SOX6: variants seen among roughly 807,000 people sequenced by gnomAD.
SOX6 encodes transcription factor SOX-6.
Under a neutral mutation model 97.8 loss-of-function variants are expected in SOX6, and 11 were observed. That is an observed-to-expected ratio of 0.11 (90% CI 0.07 to 0.19). SOX6 has a LOEUF of 0.19. Ranked by LOEUF, SOX6 falls within the 10% of genes least tolerant of loss-of-function variation. SOX6 has a pLI of 1.00. For synonymous variants in SOX6, 360 were observed against 371.4 expected, an observed-to-expected ratio of 0.97 and a Z score of 0.35; for missense variants, 810 against 1,039.5, an observed-to-expected ratio of 0.78 and a Z score of 3.04.
Position 16,111,839 on chromosome 11 carries a change from C to T in SOX6, c.862G>A (p.Gly288Arg), listed in dbSNP as rs769930973. The part of the protein sequence containing the change: ...TLAAAAAAQQ[G>R]FLFPPGITYK... Reference sequence around the variant, plus strand: ...GTTATTCCAGGGGGGAAGAGGAATCCCTGTTGGGCAGCAGCAGCTGCTGCC... The same window carrying T: ...GTTATTCCAGGGGGGAAGAGGAATCTCTGTTGGGCAGCAGCAGCTGCTGCC... The change falls in exon 7 of 16, where the codon GGA becomes AGA. Residue 288 changes from glycine to arginine, a missense_variant. Around this residue, in one of 9 missense-constraint regions of SOX6, gnomAD observed 244 missense variants for 261.0 expected, o/e 0.93. Coordinates refer to ENST00000683767, the MANE Select transcript of SOX6 (RefSeq NM_001367873.1). 5.6e-6 allele frequency: 9 copies of T among 1,612,864 alleles called. No individual in the cohort carries two copies. In the South Asian group the frequency reaches 9.9e-5, roughly 18 times the overall value.
At chr11:16,430,987 C>A (rs568218044) in intron 1 of SOX6, among the ~76,000 whole-genome samples, 2 of 152,294 alleles carry the variant, frequency 1.3e-5, no homozygotes, top group South Asian at 4.1e-4. Flanking sequence ...CATCACACAG[C>A]TATTGTGGCC....
intron 4 of SOX6, among the ~76,000 whole-genome samples, chr11:16,548,026 G>A (rs1263951290): frequency 6.6e-6 from 1 of 152,090 alleles, no homozygotes; most frequent in East Asian, 1.9e-4. Context: ...GCAGCCGCAT[G>A]GGGAAAAATT....
chr11:16,738,448 C>G lies in SOX6; in HGVS notation n.196G>C. The G allele has an allele frequency of 2.1e-5, 9 of 419,614 alleles. 1 individual carries two copies. In the South Asian group the frequency reaches 2.3e-4, roughly 11 times the overall value. 26.0% of individuals were successfully genotyped at this position (419,614 alleles called of 1,614,324 possible). On this transcript the variant is annotated non_coding_transcript_exon_variant, in exon 1 of 6. Transcript: ENST00000524520. Reference sequence around the variant, plus strand: ...ACCGCCATACACATCCGCGGGAACGCTTCCTCCACCAGCCGAAGGCGGGGC... The same window carrying G: ...ACCGCCATACACATCCGCGGGAACGGTTCCTCCACCAGCCGAAGGCGGGGC...
At chr11:16,131,078 C>T (rs367953864) in intron 6 of SOX6, among the ~76,000 whole-genome samples, 66 of 150,496 alleles carry the variant, frequency 4.4e-4, no homozygotes, top group African/African-American at 1.6e-3. Flanking sequence ...AGAACAAAAG[C>T]GTAAACCAGA....
intron 2 of SOX6, among the ~76,000 whole-genome samples, chr11:16,725,786 T>C (rs1848302423): frequency 6.6e-6 from 1 of 152,178 alleles, no homozygotes; most frequent in Admixed American, 6.5e-5. Context: ...ATTGAAATGT[T>C]AGGAAAATTA....
intron 1 of SOX6, among the ~76,000 whole-genome samples, chr11:16,397,068 A>G (rs1858381237): frequency 1.3e-5 from 2 of 151,416 alleles, no homozygotes; most frequent in Non-Finnish European, 3.0e-5. Flanking sequence ...TTATATTTTA[A>G]TACCTAAGAA....
chr11:16,537,682 C>T (rs7937139), intron 4 of SOX6, among the ~76,000 whole-genome samples: 37,259 of 152,048 alleles, frequency 0.25, 5,050 homozygotes, highest in East Asian at 0.48. Flanking sequence ...GATGGATACA[C>T]AAGCTTCAAT....
At chr11:16,034,170 G>A (rs1340124656) in intron 12 of SOX6, among the ~76,000 whole-genome samples, 2 of 152,112 alleles carry the variant, frequency 1.3e-5, no homozygotes, top group Admixed American at 6.5e-5. Flanking sequence ...AAAAAATTAT[G>A]TTGACTCTCA....
chr11:16,333,033 G>A (rs1856354482), intron 2 of SOX6, among the ~76,000 whole-genome samples: 1 of 152,154 alleles, frequency 6.6e-6, no homozygotes, highest in South Asian at 2.1e-4. Context: ...TCATGCAGGT[G>A]GTTTGACTGA....
chr11:16,080,310 T>TA (rs1848446811), intron 9 of SOX6, among the ~76,000 whole-genome samples: 1 of 150,836 alleles, frequency 6.6e-6, no homozygotes, highest in African/African-American at 2.4e-5. Flanking sequence ...AATGAGGTCT[T>TA]ACAAGTTTCT....
At chr11:16,382,932 A>AC (rs570635361) in intron 1 of SOX6, among the ~76,000 whole-genome samples, 64 of 152,006 alleles carry the variant, frequency 4.2e-4, no homozygotes, top group African/African-American at 1.3e-3. Context: ...AAACAAACAA[A>AC]AAAAAAACTA....
At chr11:16,448,305 T>C (rs1406689067) in intron 1 of SOX6, among the ~76,000 whole-genome samples, 2 of 152,230 alleles carry the variant, frequency 1.3e-5, no homozygotes, top group Non-Finnish European at 2.9e-5. Context: ...TTTGAGCTCA[T>C]GTGTTTCCTT....
At chr11:16,156,648 T>G (rs533208131) in intron 6 of SOX6, among the ~76,000 whole-genome samples, 1 of 152,080 alleles carries the variant, frequency 6.6e-6, no homozygotes, top group East Asian at 1.9e-4. Flanking sequence ...CACATACCAC[T>G]TCCCCTTGCT....
At chr11:16,505,105 C>T (rs779388664) in intron 4 of SOX6, among the ~76,000 whole-genome samples, 7 of 152,120 alleles carry the variant, frequency 4.6e-5, no homozygotes, top group Non-Finnish European at 8.8e-5. Flanking sequence ...GCAAAGGTTG[C>T]AACAGTTTGG....
chr11:16,158,503 T>C lies in SOX6; in HGVS notation c.777+25383A>G, dbSNP rs148358872. Among the ~76,000 whole-genome samples, 477 of 152,146 alleles carry C rather than the reference T, an allele frequency of 3.1e-3. 3 individuals carry two copies. Among genetic ancestry groups the C allele is most frequent in the African/African-American group, 9.6e-3 (397 of 41,552 alleles). Reference sequence around the variant, plus strand: ...AACTGTAATTTATATATAAAAATCATATGATAAATGTCCTGTTTCTTCATA... The same window carrying C: ...AACTGTAATTTATATATAAAAATCACATGATAAATGTCCTGTTTCTTCATA... On this transcript the variant is annotated intron_variant, in intron 6 of 15. Transcript: ENST00000683767.
chr11:15,996,217 G>T (rs1213423073), intron 13 of SOX6, among the ~76,000 whole-genome samples: 1 of 152,100 alleles, frequency 6.6e-6, no homozygotes, highest in Non-Finnish European at 1.5e-5. Context: ...AAAAGATGAG[G>T]GTATAAATAG....
Position 16,063,499 on chromosome 11 carries a change from TATATATATATATATATA to T in SOX6, c.1102-7615_1102-7599del, listed in dbSNP as rs1848010849. 4.4e-3 allele frequency among the ~76,000 whole-genome samples: 50 copies of T among 11,376 alleles called. 3 individuals carry two copies. The highest frequency in any genetic ancestry group is 5.9e-3 in the African/African-American group (49 of 8,244). The allele number at this position is 11,376 out of a possible 152,430, so 7.5% of individuals were successfully genotyped here. A position where few individuals can be genotyped will look rare whatever the true frequency, so the allele number is the denominator to read the frequency against. On this transcript the variant is annotated intron_variant, in intron 9 of 15. Transcript: ENST00000683767. ...TGTAACTATATTTACCATAATTTTA[TATATATATATATATATA>T]TATATATATATATATATATATATAT... is the stretch of plus-strand genomic sequence containing the variant.
At chr11:16,371,085 C>T (rs1461563246) in intron 1 of SOX6, among the ~76,000 whole-genome samples, 1 of 152,030 alleles carries the variant, frequency 6.6e-6, no homozygotes, top group Non-Finnish European at 1.5e-5. Context: ...CTCACAATGA[C>T]CTACACATTC....
chr11:16,103,691 G>A (rs997892267), intron 7 of SOX6, among the ~76,000 whole-genome samples: 4 of 151,870 alleles, frequency 2.6e-5, no homozygotes, highest in Non-Finnish European at 4.4e-5. Context: ...ATACTACTCA[G>A]CCATAAAAGG....
Sources: gnomAD v4.1 joint callset for allele counts (sites outside exome capture counted in the v4.1 genomes callset) on GRCh38, gnomAD v4.1.1 for gene constraint, gnomAD v4.1.1 regional missense constraint, MANE v1.5 for transcripts, NCBI Gene and HGNC (gene_info 2026-07-23, HGNC 2026-07-21) for gene names.